Variants in MLPH observed in about 807,000 individuals in gnomAD.
MLPH encodes exophilin-3.
A neutral mutation model predicts 72.1 loss-of-function variants in MLPH; 51 were observed. The observed-to-expected ratio is 0.71, with a 90% CI of 0.56 to 0.89. The LOEUF (loss-of-function observed/expected upper bound fraction) is 0.89, where lower values mean the gene tolerates loss of function less well. Ranked by LOEUF, MLPH falls within the 40% of genes least tolerant of loss-of-function variation. The probability of loss-of-function intolerance (pLI) is 0.00; values close to 1 mark genes in which losing one functional copy is unlikely to be tolerated. For missense variants in MLPH, 743 were observed against 759.9 expected, an observed-to-expected ratio of 0.98 and a Z score of 0.26; for synonymous variants, 301 against 310.1, an observed-to-expected ratio of 0.97 and a Z score of 0.31.
chr2:237,545,200 T>C (rs867706346), intron 12 of MLPH, among the ~76,000 whole-genome samples: 1 of 12,774 alleles, frequency 7.8e-5, no homozygotes, highest in Admixed American at 9.2e-4. Flanking sequence ...CAGTGGTGAG[T>C]GGGGACAGTG....
At position 237,524,063 on chromosome 2, in the gene MLPH, A is replaced by G. The variant is rs539400858; in HGVS notation, c.676-1538A>G. Among the ~76,000 whole-genome samples the G allele has an allele frequency of 1.1e-4, 16 of 152,202 alleles. No individual in the cohort carries two copies. The South Asian group carries it at 3.3e-3, about 32-fold the overall frequency. ...GAACAGGAGGAACGTGATGGCTACT[A>G]GGTAGAATTTTATGGAAAAGGAGAG... On this transcript the variant is annotated intron_variant, in intron 6 of 15. Transcript: ENST00000264605.
chr2:237,540,345 C>T lies in MLPH; in HGVS notation c.1105-3C>T, dbSNP rs2080643607. The T allele has an allele frequency of 6.2e-7, 1 of 1,613,506 alleles. No homozygotes were observed. Among genetic ancestry groups the T allele is most frequent in the Non-Finnish European group, 8.5e-7 (1 of 1,180,014 alleles). ...ATCCAAATCCACTGGCCTGTTCTGT[C>T]AGGGTCTAGGTGCTGGAGTGCGCAC... On this transcript the variant is annotated splice_polypyrimidine_tract_variant and splice_region_variant and intron_variant, in intron 9 of 15. Transcript: ENST00000264605.
At chr2:237,494,371 C>G (rs1034219045) in intron 2 of MLPH, among the ~76,000 whole-genome samples, 1 of 151,322 alleles carries the variant, frequency 6.6e-6, no homozygotes, top group Non-Finnish European at 1.5e-5. Flanking sequence ...AATGAGGGGG[C>G]CAGGAAGAGA....
At chr2:237,506,213 AT>A (rs1461022187) in intron 2 of MLPH, among the ~76,000 whole-genome samples, 1 of 152,256 alleles carries the variant, frequency 6.6e-6, no homozygotes, top group African/African-American at 2.4e-5. Context: ...AGTTAAAAAT[AT>A]TTATTTATTC....
rs2081078830 is a variant in MLPH at position 237,553,558 on chromosome 2, C to G, written c.1777-8C>G. 1 of 1,613,830 alleles carries G rather than the reference C, an allele frequency of 6.2e-7. No individual in the cohort carries two copies. Among genetic ancestry groups the G allele is most frequent in the Non-Finnish European group, 8.5e-7 (1 of 1,179,976 alleles). ...GCTTATATGTGCATGTGTGTTTGTACTTTACAGAAACCTGTGGTGGCCCAC... is the reference window on the plus strand; with the variant it reads ...GCTTATATGTGCATGTGTGTTTGTAGTTTACAGAAACCTGTGGTGGCCCAC... On this transcript the variant is annotated splice_region_variant and splice_polypyrimidine_tract_variant and intron_variant, in intron 15 of 15. Coordinates refer to ENST00000264605, the MANE Select transcript of MLPH (RefSeq NM_024101.7).
At chr2:237,519,165 G>A (rs6712927) in intron 5 of MLPH, among the ~76,000 whole-genome samples, 40,661 of 151,720 alleles carry the variant, frequency 0.27, 7,369 homozygotes, top group African/African-American at 0.52. Flanking sequence ...CGAGACAAAC[G>A]AGGTAACACC....
At chr2:237,532,735 C>T (rs377629728) in intron 8 of MLPH, among the ~76,000 whole-genome samples, 54 of 152,334 alleles carry the variant, frequency 3.5e-4, no homozygotes, top group African/African-American at 9.1e-4. Flanking sequence ...CAGATGCCCA[C>T]GTCTGAGTGA....
chr2:237,513,308 T>C (rs934586631), intron 4 of MLPH, among the ~76,000 whole-genome samples: 1 of 152,098 alleles, frequency 6.6e-6, no homozygotes, highest in South Asian at 2.1e-4. Context: ...CGATGGCCGA[T>C]GGCCAAGAAA....
In MLPH at chr2:237,525,787, G is replaced by C; in HGVS notation, c.862G>C (p.Gly288Arg). 5 of 1,612,992 alleles carry C rather than the reference G, an allele frequency of 3.1e-6. No homozygotes were observed. The highest frequency in any genetic ancestry group is 4.2e-6 in the Non-Finnish European group (5 of 1,180,024). ...TGGAGGCTCCCACAGGATGGCCCTG[G>C]GGACTGCTGCTGCACTCGGTAGGTG... ...PPGGSHRMAL[G>R]TAAALGSNVI... Residue 288 changes from glycine (G) to arginine (R), a missense_variant, in exon 7 of 16, where the codon GGG becomes CGG. By Grantham distance (125) the Gly-to-Arg change is moderately radical (BLOSUM62 -2). Transcript: ENST00000264605.
At chr2:237,552,580 A>C (rs2081061068) in intron 15 of MLPH, 143 bp downstream of exon 15, 1 of 715,548 alleles carries the variant, frequency 1.4e-6, no homozygotes. Context: ...CAAAAAGTAA[A>C]GTAAAATCTT....
Position 237,553,594 on chromosome 2 carries a change from G to C in MLPH, c.*2G>C, listed in dbSNP as rs745816099. 3 of 1,614,180 alleles carry C rather than the reference G, an allele frequency of 1.9e-6. No individual in the cohort carries two copies. The highest frequency in any genetic ancestry group is 2.5e-6 in the Non-Finnish European group (3 of 1,180,042). ...CCTGTGGTGGCCCACCAGTCCTAAC[G>C]GGACAGGACAGAGAGACAGAGCAGC... On this transcript the variant is annotated 3_prime_UTR_variant, in exon 16 of 16. Coordinates refer to ENST00000264605, the MANE Select transcript of MLPH (RefSeq NM_024101.7).
chr2:237,538,073 G>C (rs559401816), intron 9 of MLPH, among the ~76,000 whole-genome samples: 3 of 152,186 alleles, frequency 2.0e-5, no homozygotes, highest in Admixed American at 6.5e-5. Flanking sequence ...GGGAAGAGTC[G>C]GGAGACACAG....
chr2:237,530,793 A>G (rs1437983493), intron 8 of MLPH, among the ~76,000 whole-genome samples: 1 of 152,212 alleles, frequency 6.6e-6, no homozygotes, highest in African/African-American at 2.4e-5. Context: ...CCTTTCATTC[A>G]GATCAGGGAG....
At chr2:237,551,630 T>A (rs928142884) in intron 14 of MLPH, among the ~76,000 whole-genome samples, 9 of 152,240 alleles carry the variant, frequency 5.9e-5, no homozygotes, top group Non-Finnish European at 1.0e-4. Context: ...GGAGGTGCCC[T>A]CTGCTGAGGG....
rs544702417 is a variant in MLPH, at chr2:237,538,925, G to T, written c.1105-1423G>T. Among the ~76,000 whole-genome samples, 180 of 152,376 alleles carry T rather than the reference G, an allele frequency of 1.2e-3. No homozygotes were observed. In the Middle Eastern group the frequency reaches 0.017, roughly 14 times the overall value. Reference sequence around the variant, plus strand: ...TCACTGAGCGTGGGATTTGCCCAAAGAGCTGGCAGAGGTGCCGGGGCTGCC... The same window carrying T: ...TCACTGAGCGTGGGATTTGCCCAAATAGCTGGCAGAGGTGCCGGGGCTGCC... On this transcript the variant is annotated intron_variant, in intron 9 of 15. Transcript: ENST00000264605.
intron 2 of MLPH, among the ~76,000 whole-genome samples, chr2:237,508,032 G>A (rs950416371): frequency 6.6e-6 from 1 of 152,192 alleles, no homozygotes; most frequent in Non-Finnish European, 1.5e-5. Flanking sequence ...GACATGGACT[G>A]GGGGCCACGG....
At chr2:237,507,110 T>C (rs879558323) in intron 2 of MLPH, 5 of 147,528 alleles carry the variant, frequency 3.4e-5, no homozygotes, top group Non-Finnish European at 7.5e-5. Flanking sequence ...CTGCCACCCT[T>C]GGATGGAGTG....
intron 9 of MLPH, among the ~76,000 whole-genome samples, chr2:237,535,306 C>G (rs1427970013): frequency 1.3e-5 from 2 of 152,116 alleles, no homozygotes; most frequent in African/African-American, 4.8e-5. Context: ...TTAATCCATT[C>G]ATGAAGGCAG....
intron 1 of MLPH, among the ~76,000 whole-genome samples, chr2:237,489,829 A>C (rs2079392212): frequency 6.6e-6 from 1 of 152,136 alleles, no homozygotes; most frequent in Non-Finnish European, 1.5e-5. Flanking sequence ...TGGCCAAAAA[A>C]TTAATTCAAC....
Sources: gnomAD v4.1 joint callset for allele counts (sites outside exome capture counted in the v4.1 genomes callset) on GRCh38, gnomAD v4.1.1 for gene constraint, MANE v1.5 for transcripts, NCBI Gene and HGNC (gene_info 2026-07-23, HGNC 2026-07-21) for gene names.